The following SLC39A1 variants were observed in gnomAD, a reference collection of about 807,000 sequenced individuals.
SLC39A1 encodes the protein zinc transporter ZIP1.
A neutral mutation model predicts 21.4 loss-of-function variants in SLC39A1; 17 were observed. The ratio of observed to expected loss-of-function variants is 0.79; its 90% confidence interval spans 0.54 to 1.19. The LOEUF is 1.19. Ranked by LOEUF, SLC39A1 falls within the 50% of genes most tolerant of loss-of-function variation. SLC39A1 has a pLI of 0.00. For synonymous variants in SLC39A1, 183 were observed against 185.9 expected (o/e 0.98, Z 0.13); for missense variants, 343 against 399.8 (o/e 0.86, Z 1.21).
intron 3 of SLC39A1, 38 bp from the exon 4 acceptor site, chr1:153,960,792 AAG>A (rs772298595): frequency 2.1e-5 from 33 of 1,576,916 alleles, no homozygotes; most frequent in Non-Finnish European, 2.7e-5. Context: ...TCAGGGAAGG[AAG>A]AGTGAGATGC....
Position 153,960,708 on chromosome 1 carries a change from AG to A in SLC39A1, c.364del (p.Leu122TrpfsTer4). On this transcript the variant is annotated frameshift_variant, in exon 4 of 4. Transcript: ENST00000356205. LOFTEE classifies it high-confidence loss of function. ...TGTGATCTGCTCCATCACCAGGACC[AG>A]GAAGAAGCCCATGGCCAGGATGAAC... ...QEFILAMGFF[L>X]VLVMEQITLA... The A allele has an allele frequency of 6.2e-7, 1 of 1,613,580 alleles. No individual in the cohort carries two copies. Among genetic ancestry groups the A allele is most frequent in the Non-Finnish European group, 8.5e-7 (1 of 1,180,026 alleles).
upstream of SLC39A1, chr1:153,964,526 A>T (rs1482415558): frequency 2.6e-5 from 4 of 152,044 alleles, no homozygotes; most frequent in Non-Finnish European, 5.9e-5. Context: ...GACAGATGGG[A>T]TCTTGCTTCC....
In SLC39A1 at chr1:153,960,515, G is replaced by A. The variant is rs1647338283; in HGVS notation, c.558C>T (p.Ser186=). The A allele has an allele frequency of 1.2e-6, 2 of 1,613,486 alleles. No individual in the cohort carries two copies. Among genetic ancestry groups the A allele is most frequent in the Admixed American group, 1.7e-5 (1 of 60,026 alleles). ...SALRACVLVF[S]LALHSVFEGL... ...CCTCGAACACGGAGTGGAGGGCCAG[G>A]GAGAACACCAGTACACAGGCACGCA... The change falls in exon 4 of 4, where the codon TCC becomes TCT. Residue 186 remains serine, a synonymous_variant. Transcript: ENST00000356205.
Position 153,960,446 on chromosome 1 carries a change from C to A in SLC39A1, c.627G>T (p.Glu209Asp), listed in dbSNP as rs1647321451. The A allele has an allele frequency of 1.2e-6, 2 of 1,613,896 alleles. No individual in the cohort carries two copies. The highest frequency in any genetic ancestry group is 1.7e-6 in the Non-Finnish European group (2 of 1,180,032). ...GLQRDRARAM[E>D]LCLALLLHKG... ...TGTGGAGCAGCAAAGCCAGGCACAG[C>A]TCCATGGCCCGAGCCCGGTCTCGCT... is the stretch of plus-strand genomic sequence containing the variant. The change falls in exon 4 of 4, where the codon GAG (glutamate) becomes GAT (aspartate). Residue 209 changes from glutamate to aspartate, a missense_variant. Glu to Asp is a conservative substitution (Grantham distance 45). Transcript: ENST00000356205.
At position 153,962,729 on chromosome 1, in the gene SLC39A1, G is replaced by A. The variant is rs1571096542; in HGVS notation, c.-14C>T. 1.9e-6 allele frequency: 3 copies of A among 1,556,132 alleles called. No homozygotes were observed. In the East Asian group the frequency reaches 6.8e-5, roughly 35 times the overall value. ...CCAGGGCCCCATGATGCTTCTGGTAGCTCCAGTGACTCTCAGACCTAGGAA... is the reference window on the plus strand; with the variant it reads ...CCAGGGCCCCATGATGCTTCTGGTAACTCCAGTGACTCTCAGACCTAGGAA... On this transcript the variant is annotated 5_prime_UTR_variant, in exon 2 of 4. Transcript: ENST00000356205.
At chr1:153,964,621 A>T (rs1319701606), upstream of SLC39A1, 1 of 152,172 alleles carries the variant, frequency 6.6e-6, no homozygotes, top group Admixed American at 6.5e-5. Context: ...GAAGCCCAGT[A>T]ATTCCTTAAG....
rs6413529 is a variant in SLC39A1, at chr1:153,959,794, C to T, written c.*304G>A. 30,754 of 369,430 alleles carry T rather than the reference C, an allele frequency of 0.083. 1,736 individuals are homozygous for T. The highest frequency in any genetic ancestry group is 0.12 in the Non-Finnish European group (23,252 of 201,186). The allele number at this position is 369,430 out of a possible 1,614,324, so 22.9% of individuals were successfully genotyped here. A position where few individuals can be genotyped will look rare whatever the true frequency, so the allele number is the denominator to read the frequency against. ...CCTCCAGCCTCCCATGTGAGCCTGTCCTTATGTATAGTGTCCAACCTCTGA... is the reference window on the plus strand; with the variant it reads ...CCTCCAGCCTCCCATGTGAGCCTGTTCTTATGTATAGTGTCCAACCTCTGA... On this transcript the variant is annotated 3_prime_UTR_variant, in exon 4 of 4. Transcript: ENST00000356205.
At position 153,963,496 on chromosome 1, in the gene SLC39A1, T is replaced by C. The variant is rs1053520578; in HGVS notation, c.-34A>G. On this transcript the variant is annotated splice_region_variant and 5_prime_UTR_variant, in exon 1 of 4. Coordinates refer to ENST00000356205, the MANE Select transcript of SLC39A1 (RefSeq NM_001271958.2). The stretch of plus-strand genomic sequence containing the variant: ...CGCTGCCAGACAGCCCGCACTCACC[T>C]CGCGAGGGTCTCACTACATGGTCTC... The C allele has an allele frequency of 1.3e-5, 2 of 152,298 alleles. No individual in the cohort carries two copies. The highest frequency in any genetic ancestry group is 2.9e-5 in the Non-Finnish European group (2 of 68,114). The allele number at this position is 152,298 out of a possible 1,614,324, so 9.4% of individuals were successfully genotyped here.
chr1:153,964,077 G>T (rs1361459274), upstream of SLC39A1, among the ~76,000 whole-genome samples: 1 of 152,232 alleles, frequency 6.6e-6, no homozygotes, highest in Non-Finnish European at 1.5e-5. Context: ...GCAAAGAGAG[G>T]GTATGTCTTG....
At position 153,959,446 on chromosome 1, in the gene SLC39A1, C is replaced by T. The variant is rs1419149851; in HGVS notation, c.*652G>A. ...GACCAAAATAAAGAGCAAGCAGGCC[C>T]CCTTCACTGAGGTGCTGGGTAGGGC... On this transcript the variant is annotated 3_prime_UTR_variant, in exon 4 of 4. Coordinates refer to ENST00000356205, the MANE Select transcript of SLC39A1 (RefSeq NM_001271958.2). 1 of 396,270 alleles carries T rather than the reference C, an allele frequency of 2.5e-6. No individual in the cohort carries two copies. Among genetic ancestry groups the T allele is most frequent in the Non-Finnish European group, 4.4e-6 (1 of 225,002 alleles). The allele number at this position is 396,270 out of a possible 1,614,324, so 24.5% of individuals were successfully genotyped here.
upstream of SLC39A1, among the ~76,000 whole-genome samples, chr1:153,967,092 T>C (rs2102150337): frequency 6.6e-6 from 1 of 152,352 alleles, no homozygotes; most frequent in South Asian, 2.1e-4. Flanking sequence ...TGGGACATAA[T>C]GTTCCCGGTA....
chr1:153,960,950 G>A lies in SLC39A1; in HGVS notation c.319-196C>T, dbSNP rs118092059. Reference sequence around the variant, plus strand: ...ATTATGGTGTCACTCACAGTGTTACGTGTAGACCAAAGTTTCTCAGCTTTG... The same window carrying A: ...ATTATGGTGTCACTCACAGTGTTACATGTAGACCAAAGTTTCTCAGCTTTG... On this transcript the variant is annotated intron_variant, in intron 3 of 3. Coordinates refer to ENST00000356205, the MANE Select transcript of SLC39A1 (RefSeq NM_001271958.2). 1.3e-4 allele frequency among the ~76,000 whole-genome samples: 20 copies of A among 152,248 alleles called. 1 individual carries two copies. The East Asian group carries it at 2.9e-3, about 22-fold the overall frequency.
chr1:153,959,543 G>C lies in SLC39A1; in HGVS notation c.*555C>G. The C allele has an allele frequency of 2.8e-6, 1 of 355,196 alleles. No individual in the cohort carries two copies. The highest frequency in any genetic ancestry group is 5.0e-6 in the Non-Finnish European group (1 of 198,712). The allele number at this position is 355,196 out of a possible 1,614,324, so 22.0% of individuals were successfully genotyped here. On this transcript the variant is annotated 3_prime_UTR_variant, in exon 4 of 4. Coordinates refer to ENST00000356205, the MANE Select transcript of SLC39A1 (RefSeq NM_001271958.2). ...TGGCACTTTAAAAATAGAGGAGTAA[G>C]CAGGACTGGAGAGGCCAGAGAAGAT...
upstream of SLC39A1, chr1:153,964,982 T>C (rs1647698305): frequency 6.6e-6 from 1 of 152,088 alleles, no homozygotes. Flanking sequence ...TAACAAGGAA[T>C]TATGACTGGG....
At position 153,962,571 on chromosome 1, in the gene SLC39A1, T is replaced by C; in HGVS notation, c.145A>G (p.Ile49Val). The change falls in exon 2 of 4, where the codon ATC becomes GTC. Residue 49 changes from isoleucine to valine, a missense_variant. Ile to Val is a conservative substitution (Grantham distance 29, BLOSUM62 3). Coordinates refer to ENST00000356205, the MANE Select transcript of SLC39A1 (RefSeq NM_001271958.2). Reference sequence around the variant, plus strand: ...GCTCCTGGCCGGCGCAGCACACAGATGGGCACCAGGCTGCAGAGGAGGGTG... The same window carrying C: ...GCTCCTGGCCGGCGCAGCACACAGACGGGCACCAGGCTGCAGAGGAGGGTG... ...VLTLLCSLVP[I>V]CVLRRPGANH... The C allele has an allele frequency of 6.2e-7, 1 of 1,613,698 alleles. No individual in the cohort carries two copies. The highest frequency in any genetic ancestry group is 8.5e-7 in the Non-Finnish European group (1 of 1,179,976).
chr1:153,961,355 A>C (rs969860721), intron 3 of SLC39A1, among the ~76,000 whole-genome samples: 1 of 152,216 alleles, frequency 6.6e-6, no homozygotes, highest in Admixed American at 6.5e-5. Context: ...TGTCTTGTGC[A>C]CTGTAGATTG....
At position 153,962,310 on chromosome 1, in the gene SLC39A1, C is replaced by G. The variant is rs138894603; in HGVS notation, c.228G>C (p.Ala76=). The part of the protein sequence containing the change: ...QKALSLVSCF[A]GGVFLATCLL... ...GACAAGTGGCCAAAAAGACGCCCCCCGCGAAACAGCTTACTAGGCTCAGGG... is the reference window on the plus strand; with the variant it reads ...GACAAGTGGCCAAAAAGACGCCCCCGGCGAAACAGCTTACTAGGCTCAGGG... Residue 76 remains alanine (A), a synonymous_variant, in exon 3 of 4, where the codon GCG becomes GCC. Transcript: ENST00000356205. The G allele has an allele frequency of 7.4e-6, 12 of 1,614,034 alleles. No individual in the cohort carries two copies. The East Asian group carries it at 1.3e-4, about 18-fold the overall frequency.
At chr1:153,963,052 A>C in intron 1 of SLC39A1, 2 of 228,764 alleles carry the variant, frequency 8.7e-6, no homozygotes, top group Non-Finnish European at 8.5e-6. Flanking sequence ...CCGCCTCCAA[A>C]TAGGACCTGG....
rs371350917 is a variant in SLC39A1 at position 153,960,451 on chromosome 1, T to C, written c.622A>G (p.Met208Val). Residue 208 changes from methionine (M) to valine (V), a missense_variant, in exon 4 of 4, where the codon ATG (methionine) becomes GTG (valine). Coordinates refer to ENST00000356205, the MANE Select transcript of SLC39A1 (RefSeq NM_001271958.2). Reference protein sequence around the residue: ...VGLQRDRARAMELCLALLLHK... With the variant: ...VGLQRDRARAVELCLALLLHK... ...AGCAGCAAAGCCAGGCACAGCTCCA[T>C]GGCCCGAGCCCGGTCTCGCTGCAGC... The C allele has an allele frequency of 4.3e-6, 7 of 1,613,690 alleles. No individual in the cohort carries two copies. Among genetic ancestry groups the C allele is most frequent in the Admixed American group, 3.3e-5 (2 of 60,008 alleles).
Sources: allele counts gnomAD v4.1 joint callset (sites outside exome capture counted in the v4.1 genomes callset), GRCh38; gene constraint gnomAD v4.1.1; transcripts MANE v1.5; gene names NCBI Gene and HGNC (gene_info 2026-07-23, HGNC 2026-07-21).